The following NUPR1 variants were observed in gnomAD, a reference collection of about 807,000 sequenced individuals.
NUPR1 encodes nuclear protein 1.
Under a neutral mutation model 7.3 loss-of-function variants are expected in NUPR1, and 8 were observed. That is an observed-to-expected ratio of 1.09 (90% CI 0.64 to 1.97). The LOEUF is 1.97. Among genes scored for constraint, NUPR1 ranks in the 30% most tolerant of loss-of-function variants. NUPR1 has a pLI of 0.00. For missense variants in NUPR1, 96 were observed against 111.7 expected, an observed-to-expected ratio of 0.86 and a Z score of 0.63; for synonymous variants, 39 against 44.5, an observed-to-expected ratio of 0.88 and a Z score of 0.49.
intron 1 of NUPR1, among the ~76,000 whole-genome samples, chr16:28,538,367 G>A (rs928620970): frequency 3.3e-5 from 5 of 152,142 alleles, no homozygotes; most frequent in South Asian, 4.1e-4. Context: ...CAGGGGTGAC[G>A]TGAGGGTCCA....
rs532966042 is a variant in NUPR1, at chr16:28,534,468, A to T, written c.*3215T>A. 6.6e-6 allele frequency: 1 copy of T among 152,336 alleles called. No individual in the cohort carries two copies. The highest frequency in any genetic ancestry group is 2.4e-5 in the African/African-American group (1 of 41,562). The allele number at this position is 152,336 out of a possible 1,614,324, so 9.4% of individuals were successfully genotyped here. A position where few individuals can be genotyped will look rare whatever the true frequency, so the allele number is the denominator to read the frequency against. On this transcript the variant is annotated 3_prime_UTR_variant, in exon 3 of 3. Transcript: ENST00000324873. Reference sequence around the variant, plus strand: ...GCAGTGTGGGGCTTATGTGAAAGGGACAGGGGAAAAGGAAACAGGCTCTGC... The same window carrying T: ...GCAGTGTGGGGCTTATGTGAAAGGGTCAGGGGAAAAGGAAACAGGCTCTGC...
rs58048043 is a variant in NUPR1, at chr16:28,535,623, C to CTTTCTTT, written c.*2059_*2060insAAAGAAA. 3 of 90,678 alleles carry CTTTCTTT rather than the reference C, an allele frequency of 3.3e-5. No individual in the cohort carries two copies. Among genetic ancestry groups the CTTTCTTT allele is most frequent in the African/African-American group, 1.5e-4 (3 of 20,282 alleles). The allele number at this position is 90,678 out of a possible 1,614,324, so 5.6% of individuals were successfully genotyped here. On this transcript the variant is annotated 3_prime_UTR_variant, in exon 3 of 3. Coordinates refer to ENST00000324873, the MANE Select transcript of NUPR1 (RefSeq NM_012385.3). ...TTCTTTCTTTCTTTCTTTCTTTCTT[C>CTTTCTTT]TCTTTCTCTCTCTTTCTTCTTTTTC...
rs1441750020 is a variant in NUPR1, at chr16:28,535,548, TTTC to T, written c.*2132_*2134del. On this transcript the variant is annotated 3_prime_UTR_variant, in exon 3 of 3. Coordinates refer to ENST00000324873, the MANE Select transcript of NUPR1 (RefSeq NM_012385.3). ...CTTTCTTTCTTTCTTTCTTTCCTTC[TTTC>T]TTTCTTTCTTTCCTTCCTTCCTTTC... 3 of 35,730 alleles carry T rather than the reference TTTC, an allele frequency of 8.4e-5. No homozygotes were observed. Among genetic ancestry groups the T allele is most frequent in the Non-Finnish European group, 1.6e-4 (2 of 12,566 alleles). 2.2% of individuals were successfully genotyped at this position (35,730 alleles called of 1,614,324 possible).
In NUPR1 at chr16:28,535,600, C is replaced by CTTTCT. The variant is rs2046614713; in HGVS notation, c.*2078_*2082dup. ...TCTTTCTTTCTTTCTTTCTTTCTTT[C>CTTTCT]TTTCTTTCTTTCTTTCTTTCTTCTC... On this transcript the variant is annotated 3_prime_UTR_variant, in exon 3 of 3. Transcript: ENST00000324873. 2.8e-5 allele frequency: 1 copy of CTTTCT among 35,622 alleles called. No individual in the cohort carries two copies. Among genetic ancestry groups the CTTTCT allele is most frequent in the African/African-American group, 1.6e-4 (1 of 6,162 alleles). The allele number at this position is 35,622 out of a possible 1,614,324, so 2.2% of individuals were successfully genotyped here. A position where few individuals can be genotyped will look rare whatever the true frequency, so the allele number is the denominator to read the frequency against.
chr16:28,535,587 T>TCCTTCCTTC lies in NUPR1; in HGVS notation c.*2095_*2096insGAAGGAAGG, dbSNP rs1491299508. 2.0e-4 allele frequency: 9 copies of TCCTTCCTTC among 44,590 alleles called. No individual in the cohort carries two copies. The highest frequency in any genetic ancestry group is 1.1e-3 in the African/African-American group (9 of 8,308). The allele number at this position is 44,590 out of a possible 1,614,324, so 2.8% of individuals were successfully genotyped here. The stretch of plus-strand genomic sequence containing the variant: ...TCCTTCCTTCCTTTCTTTCTTTCTT[T>TCCTTCCTTC]CTTTCTTTCTTTCTTTCTTTCTTTC... On this transcript the variant is annotated 3_prime_UTR_variant, in exon 3 of 3. Transcript: ENST00000324873.
chr16:28,532,996 C>G lies in NUPR1; in HGVS notation c.*4687G>C, dbSNP rs1179892570. 2.0e-5 allele frequency: 3 copies of G among 152,194 alleles called. No individual in the cohort carries two copies. The highest frequency in any genetic ancestry group is 4.4e-5 in the Non-Finnish European group (3 of 68,068). The allele number at this position is 152,194 out of a possible 1,614,324, so 9.4% of individuals were successfully genotyped here. On this transcript the variant is annotated 3_prime_UTR_variant, in exon 3 of 3. Transcript: ENST00000324873. ...CACAGAATAGGAGCTCCAAACACAG[C>G]AGAGATGTTTCCAGGATTTTCTGAA...
Position 28,535,545 on chromosome 16 carries a change from T to TTTC in NUPR1, c.*2137_*2138insGAA, listed in dbSNP as rs1567277342. ...TTTCTTTCTTTCTTTCTTTCTTTCC[T>TTTC]TCTTTCTTTCTTTCTTTCCTTCCTT... is the stretch of plus-strand genomic sequence containing the variant. On this transcript the variant is annotated 3_prime_UTR_variant, in exon 3 of 3. Transcript: ENST00000324873. 37 of 21,808 alleles carry TTTC rather than the reference T, an allele frequency of 1.7e-3. No homozygotes were observed. The highest frequency in any genetic ancestry group is 3.4e-3 in the African/African-American group (35 of 10,328). 1.4% of individuals were successfully genotyped at this position (21,808 alleles called of 1,614,324 possible). A position where few individuals can be genotyped will look rare whatever the true frequency, so the allele number is the denominator to read the frequency against.
In NUPR1 at chr16:28,537,377, T is replaced by G. The variant is rs1056394514; in HGVS notation, c.*306A>C. On this transcript the variant is annotated 3_prime_UTR_variant, in exon 3 of 3. Transcript: ENST00000324873. ...ACACACACCCAAGCTGTGGCTGCCG[T>G]GCGTGTCTATTTATTGTTGCTGCCA... 2.6e-5 allele frequency: 4 copies of G among 152,304 alleles called. No individual in the cohort carries two copies. The East Asian group carries it at 7.6e-4, about 29-fold the overall frequency. 9.4% of individuals were successfully genotyped at this position (152,304 alleles called of 1,614,324 possible).
Position 28,534,812 on chromosome 16 carries a change from G to A in NUPR1, c.*2871C>T, listed in dbSNP as rs984044151. ...TCTTTCCACAGGCTGAGATGCAAAC[G>A]TGATGGCAGGTATTGGAGTAGCTAT... On this transcript the variant is annotated 3_prime_UTR_variant, in exon 3 of 3. Coordinates refer to ENST00000324873, the MANE Select transcript of NUPR1 (RefSeq NM_012385.3). The A allele has an allele frequency of 3.3e-5, 5 of 152,194 alleles. No homozygotes were observed. Among genetic ancestry groups the A allele is most frequent in the Non-Finnish European group, 5.9e-5 (4 of 68,044 alleles). 9.4% of individuals were successfully genotyped at this position (152,194 alleles called of 1,614,324 possible).
chr16:28,538,776 G>A lies in NUPR1; in HGVS notation c.112+20C>T. On this transcript the variant is annotated intron_variant, in intron 1 of 2. Coordinates refer to ENST00000324873, the MANE Select transcript of NUPR1 (RefSeq NM_012385.3). ...TCGGGAGAGGAGGAAGGACCGTGGA[G>A]ATGGCTGAGTGGGCCTTACCGAGGT... The A allele has an allele frequency of 6.3e-7, 1 of 1,579,424 alleles. No individual in the cohort carries two copies. Among genetic ancestry groups the A allele is most frequent in the South Asian group, 1.1e-5 (1 of 90,064 alleles).
intron 2 of NUPR1, 125 bp downstream of exon 2, chr16:28,537,881 T>C (rs569759393): frequency 6.0e-5 from 46 of 762,954 alleles, no homozygotes; most frequent in Non-Finnish European, 9.0e-5. Context: ...AACATATGTC[T>C]CGTTTTATTC....
At chr16:28,538,695 G>T in intron 1 of NUPR1, 101 bp downstream of exon 1, 1 of 969,206 alleles carries the variant, frequency 1.0e-6, no homozygotes, top group South Asian at 1.3e-5. Flanking sequence ...AAGAAAGAAA[G>T]AAACGAAGAG....
chr16:28,538,519 A>G, intron 1 of NUPR1: 1 of 586,508 alleles, frequency 1.7e-6, no homozygotes, highest in Admixed American at 2.7e-5. Context: ...GTGAGACCCC[A>G]TCTCACCACT....
rs571702233 is a variant in NUPR1 at position 28,537,956 on chromosome 16, T to C, written c.*13+50A>G. The stretch of plus-strand genomic sequence containing the variant: ...CAATCACACACCTTCCGGCCTGTCC[T>C]TCATGGCAGAAGCACCACCTTGAGC... On this transcript the variant is annotated intron_variant, in intron 2 of 2. Transcript: ENST00000324873. 3.3e-6 allele frequency: 5 copies of C among 1,503,726 alleles called. No individual in the cohort carries two copies. The South Asian group carries it at 4.9e-5, about 15-fold the overall frequency. The allele number at this position is 1,503,726 out of a possible 1,614,324, so 93.1% of individuals were successfully genotyped here. A position where few individuals can be genotyped will look rare whatever the true frequency, so the allele number is the denominator to read the frequency against.
Position 28,534,993 on chromosome 16 carries a change from A to T in NUPR1, c.*2690T>A, listed in dbSNP as rs1029993316. On this transcript the variant is annotated 3_prime_UTR_variant, in exon 3 of 3. Transcript: ENST00000324873. ...TTTGTATCCTGTTTTGATTCTTCAT[A>T]ATAGCAACCCAAACCTGTATCTCAA... 1.3e-5 allele frequency: 2 copies of T among 152,170 alleles called. No homozygotes were observed. Among genetic ancestry groups the T allele is most frequent in the African/African-American group, 4.8e-5 (2 of 41,436 alleles). The allele number at this position is 152,170 out of a possible 1,614,324, so 9.4% of individuals were successfully genotyped here. A position where few individuals can be genotyped will look rare whatever the true frequency, so the allele number is the denominator to read the frequency against.
At position 28,536,600 on chromosome 16, in the gene NUPR1, C is replaced by T. The variant is rs1197775747; in HGVS notation, c.*1083G>A. On this transcript the variant is annotated 3_prime_UTR_variant, in exon 3 of 3. Transcript: ENST00000324873. The stretch of plus-strand genomic sequence containing the variant: ...AACTCCTAGGCTCAAGTAATCCTCC[C>T]ACTTCGGCCTCCTAAACTGCTGTGA... The T allele has an allele frequency of 1.3e-5, 2 of 152,558 alleles. No individual in the cohort carries two copies. The highest frequency in any genetic ancestry group is 6.5e-5 in the Admixed American group (1 of 15,274). 9.5% of individuals were successfully genotyped at this position (152,558 alleles called of 1,614,324 possible). A position where few individuals can be genotyped will look rare whatever the true frequency, so the allele number is the denominator to read the frequency against.
In NUPR1 at chr16:28,538,763, G is replaced by A. The variant is rs774946112; in HGVS notation, c.112+33C>T. On this transcript the variant is annotated intron_variant, in intron 1 of 2. Coordinates refer to ENST00000324873, the MANE Select transcript of NUPR1 (RefSeq NM_012385.3). ...GTGGGTCCTGATTTCGGGAGAGGAG[G>A]AAGGACCGTGGAGATGGCTGAGTGG... The A allele has an allele frequency of 7.9e-6, 12 of 1,515,214 alleles. No homozygotes were observed. In the South Asian group the frequency reaches 1.4e-4, roughly 17 times the overall value. The allele number at this position is 1,515,214 out of a possible 1,614,324, so 93.9% of individuals were successfully genotyped here.
In NUPR1 at chr16:28,536,685, C is replaced by G. The variant is rs1567278013; in HGVS notation, c.*998G>C. The G allele has an allele frequency of 1.3e-5, 2 of 153,242 alleles. No homozygotes were observed. Among genetic ancestry groups the G allele is most frequent in the South Asian group, 2.1e-4 (1 of 4,832 alleles). The allele number at this position is 153,242 out of a possible 1,614,324, so 9.5% of individuals were successfully genotyped here. ...TTTTGTTTGTTTGTTTGTTTTGAGA[C>G]AGAGTCTCCCTCTGTCACCCAGGCT... On this transcript the variant is annotated 3_prime_UTR_variant, in exon 3 of 3. Transcript: ENST00000324873.
rs1396719625 is a variant in NUPR1, at chr16:28,535,603, T to A, written c.*2080A>T. 1 of 5,426 alleles carries A rather than the reference T, an allele frequency of 1.8e-4. No homozygotes were observed. Among genetic ancestry groups the A allele is most frequent in the African/African-American group, 2.4e-4 (1 of 4,174 alleles). 0.3% of individuals were successfully genotyped at this position (5,426 alleles called of 1,614,324 possible). On this transcript the variant is annotated 3_prime_UTR_variant, in exon 3 of 3. Coordinates refer to ENST00000324873, the MANE Select transcript of NUPR1 (RefSeq NM_012385.3). ...TTCTTTCTTTCTTTCTTTCTTTCTT[T>A]CTTTCTTTCTTTCTTTCTTCTCTTT...
Sources: allele counts gnomAD v4.1 joint callset (sites outside exome capture counted in the v4.1 genomes callset), GRCh38; gene constraint gnomAD v4.1.1; transcripts MANE v1.5; gene names NCBI Gene and HGNC (gene_info 2026-07-23, HGNC 2026-07-21).